Variants in ENTREP1 observed in about 807,000 individuals in gnomAD.
The protein encoded by ENTREP1 is endosomal transmembrane epsin interactor 1.
the ENTREP1 span, among the ~76,000 whole-genome samples, chr9:69,327,301 A>T: frequency 6.6e-6 from 1 of 152,156 alleles, no homozygotes; most frequent in Admixed American, 6.5e-5. Flanking sequence ...CTACAGAAGG[A>T]TGGATATTCC....
chr9:69,375,746 G>T, the ENTREP1 span: 4 of 1,612,898 alleles, frequency 2.5e-6, no homozygotes, highest in African/African-American at 1.3e-5. Flanking sequence ...GTGGACTTAG[G>T]TGAAGGCAAG....
At chr9:69,385,422 C>T in the ENTREP1 span, among the ~76,000 whole-genome samples, 1 of 152,156 alleles carries the variant, frequency 6.6e-6, no homozygotes, top group Non-Finnish European at 1.5e-5. Context: ...TTCCCCAGAA[C>T]CAGGCTTATC....
At chr9:69,332,952 C>G in the ENTREP1 span, among the ~76,000 whole-genome samples, 1 of 152,114 alleles carries the variant, frequency 6.6e-6, no homozygotes, top group Non-Finnish European at 1.5e-5. Flanking sequence ...TACAGCCACA[C>G]GATGGAATGT....
chr9:69,333,632 C>T, the ENTREP1 span, among the ~76,000 whole-genome samples: 1 of 152,144 alleles, frequency 6.6e-6, no homozygotes, highest in Non-Finnish European at 1.5e-5. Flanking sequence ...AGAAAAAATA[C>T]ATTCCAAAAA....
the ENTREP1 span, among the ~76,000 whole-genome samples, chr9:69,389,411 A>G: frequency 1.3e-5 from 2 of 152,168 alleles, no homozygotes; most frequent in Admixed American, 6.5e-5. Flanking sequence ...CTCTTCTTAC[A>G]GAAGCCAGAA....
the ENTREP1 span, chr9:69,388,137 G>A: frequency 1.2e-6 from 2 of 1,614,002 alleles, no homozygotes; most frequent in South Asian, 1.1e-5. Flanking sequence ...ATGGGTACAT[G>A]TTGTTTGTTT....
the ENTREP1 span, among the ~76,000 whole-genome samples, chr9:69,358,988 C>T: frequency 6.6e-6 from 1 of 150,692 alleles, no homozygotes; most frequent in East Asian, 1.9e-4. Context: ...ACTGTGTAAC[C>T]TCCACCTCCT....
the ENTREP1 span, chr9:69,391,761 G>A: frequency 1.9e-6 from 3 of 1,612,960 alleles, no homozygotes; most frequent in East Asian, 4.5e-5. Flanking sequence ...GAGGCTGAGC[G>A]GCCACACAGC....
At chr9:69,352,101 T>A in the ENTREP1 span, among the ~76,000 whole-genome samples, 41 of 152,252 alleles carry the variant, frequency 2.7e-4, no homozygotes, top group East Asian at 7.1e-3. Context: ...TCTAGGTCCT[T>A]CTTTTTTGTA....
chr9:69,327,085 G>T, the ENTREP1 span, among the ~76,000 whole-genome samples: 3 of 151,814 alleles, frequency 2.0e-5, no homozygotes, highest in Non-Finnish European at 4.4e-5. Flanking sequence ...AAGAACGTTA[G>T]GTTCCTTGAG....
the ENTREP1 span, among the ~76,000 whole-genome samples, chr9:69,337,061 C>T: frequency 8.0e-6 from 1 of 125,414 alleles, no homozygotes; most frequent in Non-Finnish European, 1.6e-5. Flanking sequence ...GTCGCCCAGG[C>T]TGGAGTGCAG....
chr9:69,360,425 C>A, the ENTREP1 span, among the ~76,000 whole-genome samples: 2 of 152,128 alleles, frequency 1.3e-5, no homozygotes, highest in East Asian at 1.9e-4. Context: ...TTGGTCAGAG[C>A]AATTTTCAGT....
At chr9:69,324,934 G>A in the ENTREP1 span, 1 of 985,056 alleles carries the variant, frequency 1.0e-6, no homozygotes, top group South Asian at 4.7e-5. Context: ...CACCTCGAGG[G>A]ACTTACTTAA....
the ENTREP1 span, chr9:69,325,399 CGCCGCCGCTCAGGA>C: frequency 7.3e-6 from 8 of 1,089,380 alleles, no homozygotes; most frequent in Admixed American, 1.1e-4. Context: ...GCGCCGCTGC[CGCCGCCGCTCAGGA>C]GCCGCCGCTG....
At chr9:69,392,159 T>A in the ENTREP1 span, 29 of 292,616 alleles carry the variant, frequency 9.9e-5, 1 homozygote, top group East Asian at 2.2e-3. Context: ...TGCTAAGTTC[T>A]TTCCCTCTTG....
the ENTREP1 span, chr9:69,380,981 C>A: frequency 6.6e-6 from 1 of 152,272 alleles, no homozygotes; most frequent in African/African-American, 2.4e-5. Flanking sequence ...CTCTCTCCCC[C>A]TCTGCAGGCA....
At chr9:69,354,576 A>G in the ENTREP1 span, among the ~76,000 whole-genome samples, 793 of 152,306 alleles carry the variant, frequency 5.2e-3, 6 homozygotes, top group African/African-American at 0.017. Flanking sequence ...TTTATTTGTT[A>G]AAGAAACTGA....
the ENTREP1 span, among the ~76,000 whole-genome samples, chr9:69,370,101 C>T: frequency 6.6e-6 from 1 of 151,942 alleles, no homozygotes; most frequent in Non-Finnish European, 1.5e-5. Flanking sequence ...GGGCCCTCAC[C>T]CATTTTATAG....
the ENTREP1 span, among the ~76,000 whole-genome samples, chr9:69,363,177 C>T: frequency 6.6e-6 from 1 of 152,088 alleles, no homozygotes; most frequent in East Asian, 1.9e-4. Context: ...TTTTGGCGCC[C>T]ACTGTCTCTC....
Sources: gnomAD v4.1 joint callset for allele counts (sites outside exome capture counted in the v4.1 genomes callset) on GRCh38, gnomAD v4.1.1 for gene constraint, MANE v1.5 for transcripts, NCBI Gene and HGNC (gene_info 2026-07-23, HGNC 2026-07-21) for gene names.